CLMP: variants seen among roughly 807,000 people sequenced by gnomAD.
CLMP encodes the protein CXADR-like membrane protein.
CLMP carries 27 observed loss-of-function variants against 45.2 expected under a neutral mutation model. That is an observed-to-expected ratio of 0.60 (90% CI 0.44 to 0.82). The LOEUF (loss-of-function observed/expected upper bound fraction) is 0.82, where lower values mean the gene tolerates loss of function less well. CLMP is among the 40% of genes least tolerant of loss of function. The probability of loss-of-function intolerance (pLI) is 0.00; values close to 1 mark genes in which losing one functional copy is unlikely to be tolerated. For missense variants in CLMP, 403 were observed against 448.4 expected (o/e 0.90, Z 0.91); for synonymous variants, 167 against 171.4 (o/e 0.97, Z 0.20).
At chr11:123,092,956 G>A (rs1865951070) in intron 2 of CLMP, among the ~76,000 whole-genome samples, 1 of 148,304 alleles carries the variant, frequency 6.7e-6, no homozygotes, top group African/African-American at 2.5e-5. Context: ...CGCCCAGGCT[G>A]GAGTGCAGCG....
chr11:123,156,992 A>C (rs1861422982), intron 1 of CLMP, among the ~76,000 whole-genome samples: 1 of 152,218 alleles, frequency 6.6e-6, no homozygotes, highest in Admixed American at 6.5e-5. Flanking sequence ...AGAAACACTG[A>C]GGGATACATT....
intron 1 of CLMP, among the ~76,000 whole-genome samples, chr11:123,147,080 CTT>C (rs1374091292): frequency 2.0e-5 from 3 of 152,196 alleles, no homozygotes; most frequent in African/African-American, 7.2e-5. Context: ...AAAATGGACT[CTT>C]TGCCTTCAGT....
At chr11:123,156,014 A>G (rs1250741358) in intron 1 of CLMP, among the ~76,000 whole-genome samples, 1 of 152,130 alleles carries the variant, frequency 6.6e-6, no homozygotes, top group Non-Finnish European at 1.5e-5. Context: ...CCAAAAATTC[A>G]TATGTTGAAG....
chr11:123,130,592 C>A (rs941151166), intron 1 of CLMP, among the ~76,000 whole-genome samples: 1 of 152,170 alleles, frequency 6.6e-6, no homozygotes, highest in Non-Finnish European at 1.5e-5. Context: ...CCCACCTTCA[C>A]TGGCAGGCAC....
chr11:123,121,862 C>A (rs1860823007), intron 1 of CLMP, among the ~76,000 whole-genome samples: 1 of 152,156 alleles, frequency 6.6e-6, no homozygotes, highest in African/African-American at 2.4e-5. Flanking sequence ...TTTTCAGCCA[C>A]CTGAGTAGCT....
Position 123,184,504 on chromosome 11 carries a change from G to T in CLMP, c.28+10409C>A, listed in dbSNP as rs149546812. ...ACCCAGGCAAGGTTAGTGATGAACA[G>T]GGTGAACCTGGCGAGGCGGAAGCAA... On this transcript the variant is annotated intron_variant, in intron 1 of 6. Coordinates refer to ENST00000448775, the MANE Select transcript of CLMP (RefSeq NM_024769.5). Among the ~76,000 whole-genome samples, 3 of 152,336 alleles carry T rather than the reference G, an allele frequency of 2.0e-5. No homozygotes were observed. The East Asian group carries it at 5.8e-4, about 29-fold the overall frequency.
At chr11:123,087,032 A>G (rs1865872428) in intron 2 of CLMP, among the ~76,000 whole-genome samples, 1 of 151,782 alleles carries the variant, frequency 6.6e-6, no homozygotes, top group Middle Eastern at 3.2e-3. Context: ...TGTCTCTACT[A>G]AAAAATACAA....
At chr11:123,105,300 A>T (rs1222985080) in intron 1 of CLMP, among the ~76,000 whole-genome samples, 4 of 152,182 alleles carry the variant, frequency 2.6e-5, no homozygotes, top group Admixed American at 2.6e-4. Context: ...CACTCAATTA[A>T]GAGTAGTTTA....
rs181326693 is a variant in CLMP at position 123,110,505 on chromosome 11, G to A, written c.29-12553C>T. Among the ~76,000 whole-genome samples the A allele has an allele frequency of 3.4e-3, 516 of 151,560 alleles. 2 individuals are homozygous for A. Among genetic ancestry groups the A allele is most frequent in the African/African-American group, 0.012 (490 of 41,208 alleles). ...GTGGTAACTCCTGCTTGTAATCCCA[G>A]CTACTAGGGAGGCTTAGACAGGAGA... On this transcript the variant is annotated intron_variant, in intron 1 of 6. Coordinates refer to ENST00000448775, the MANE Select transcript of CLMP (RefSeq NM_024769.5).
intron 1 of CLMP, among the ~76,000 whole-genome samples, chr11:123,107,686 G>T (rs190750606): frequency 6.6e-6 from 1 of 152,094 alleles, no homozygotes; most frequent in East Asian, 1.9e-4. Context: ...TGAAAGACAG[G>T]GAAAACCAGA....
chr11:123,186,236 G>A (rs1861833080), intron 1 of CLMP, among the ~76,000 whole-genome samples: 1 of 152,182 alleles, frequency 6.6e-6, no homozygotes, highest in African/African-American at 2.4e-5. Flanking sequence ...GAAATTACTT[G>A]TCTGGAAGTC....
Position 123,097,100 on chromosome 11 carries a change from C to T in CLMP, c.186+695G>A, listed in dbSNP as rs142891136. Among the ~76,000 whole-genome samples, 1,100 of 152,266 alleles carry T rather than the reference C, an allele frequency of 7.2e-3. 8 individuals carry two copies. Among genetic ancestry groups the T allele is most frequent in the Middle Eastern group, 0.041 (12 of 294 alleles). ...CTCCTGGGCTCAAGCAGTTCACCCC[C>T]CTCAGGCTCCCAAAGTGTTGGGATT... On this transcript the variant is annotated intron_variant, in intron 2 of 6. Coordinates refer to ENST00000448775, the MANE Select transcript of CLMP (RefSeq NM_024769.5).
chr11:123,124,626 T>C (rs1860863823), intron 1 of CLMP, among the ~76,000 whole-genome samples: 1 of 152,236 alleles, frequency 6.6e-6, no homozygotes, highest in Admixed American at 6.5e-5. Context: ...CGTTCATTCA[T>C]TTAATAAATA....
chr11:123,123,250 CTTT>C, intron 1 of CLMP, among the ~76,000 whole-genome samples: 1 of 131,114 alleles, frequency 7.6e-6, no homozygotes, highest in South Asian at 2.4e-4. Context: ...TTCTTTCTTT[CTTT>C]CTTTCCTTTT....
At chr11:123,120,615 G>A (rs933110351) in intron 1 of CLMP, among the ~76,000 whole-genome samples, 6 of 152,088 alleles carry the variant, frequency 3.9e-5, no homozygotes, top group African/African-American at 1.4e-4. Context: ...CATGTTATGA[G>A]AATCGAGTTA....
At chr11:123,125,345 T>C (rs893050225) in intron 1 of CLMP, among the ~76,000 whole-genome samples, 40 of 152,112 alleles carry the variant, frequency 2.6e-4, no homozygotes, top group African/African-American at 9.4e-4. Flanking sequence ...TACTTAATCT[T>C]GAGTGGCCTT....
intron 5 of CLMP, among the ~76,000 whole-genome samples, chr11:123,078,930 C>T (rs757496355): frequency 4.6e-5 from 7 of 152,160 alleles, no homozygotes; most frequent in Non-Finnish European, 1.0e-4. Context: ...AGGCGTGAGT[C>T]ACCGTGCCCG....
In CLMP at chr11:123,072,028, C is replaced by T. The variant is rs532795505; in HGVS notation, c.*1446G>A. On this transcript the variant is annotated 3_prime_UTR_variant, in exon 7 of 7. Coordinates refer to ENST00000448775, the MANE Select transcript of CLMP (RefSeq NM_024769.5). The stretch of plus-strand genomic sequence containing the variant: ...TCTCCTGCCACCCACTACTTATTCT[C>T]ATCTCTTCCCTAAATATTAGTACCC... The T allele has an allele frequency of 5.9e-5, 9 of 152,344 alleles. No individual in the cohort carries two copies. The highest frequency in any genetic ancestry group is 5.2e-4 in the Admixed American group (8 of 15,296). The allele number at this position is 152,344 out of a possible 1,614,324, so 9.4% of individuals were successfully genotyped here.
rs770453109 is a variant in CLMP at position 123,097,887 on chromosome 11, T to C, written c.94A>G (p.Thr32Ala). ...CCCAGTTGATGGTGGCAGGGCAAAG[T>C]GACCTTTTCCTCTGCCACTCTCTTG... The part of the protein sequence containing the change: ...EIKRVAEEKV[T>A]LPCHHQLGLP... Residue 32 changes from threonine (T) to alanine (A), a missense_variant, in exon 2 of 7, where the codon ACT becomes GCT. By Grantham distance (58) the Thr-to-Ala change is moderately conservative. Coordinates refer to ENST00000448775, the MANE Select transcript of CLMP (RefSeq NM_024769.5). The C allele has an allele frequency of 1.7e-5, 27 of 1,610,498 alleles. No homozygotes were observed. The highest frequency in any genetic ancestry group is 2.2e-5 in the Non-Finnish European group (26 of 1,178,416).
Sources: allele counts gnomAD v4.1 joint callset (sites outside exome capture counted in the v4.1 genomes callset), GRCh38; gene constraint gnomAD v4.1.1; transcripts MANE v1.5; gene names NCBI Gene and HGNC (gene_info 2026-07-23, HGNC 2026-07-21).